DNAH8: variants seen among roughly 807,000 people sequenced by gnomAD.
DNAH8 encodes dynein axonemal heavy chain 8, also known as axonemal beta dynein heavy chain 8.
In DNAH8, 382 loss-of-function variants were observed where a neutral mutation model predicts 562.1. That is an observed-to-expected ratio of 0.68 (90% CI 0.63 to 0.74). DNAH8 has a LOEUF of 0.74. Ranked by LOEUF, DNAH8 falls within the 30% of genes least tolerant of loss-of-function variation. The probability of loss-of-function intolerance (pLI) is 0.00; values close to 1 mark genes in which losing one functional copy is unlikely to be tolerated. For synonymous variants in DNAH8, 1,881 were observed against 1,919.4 expected (o/e 0.98, Z 0.52); for missense variants, 5,203 against 5,620.4 (o/e 0.93, Z 2.37).
In DNAH8 at chr6:38,995,112, ATTG is replaced by A. The variant is rs573698486; in HGVS notation, c.13214+4945_13214+4947del. ...GCTATTGTTGCATGTGTGTTTCTCT[ATTG>A]TTGTCAGAAATTGGTGTTGAATTTT... On this transcript the variant is annotated intron_variant, in intron 88 of 92. Coordinates refer to ENST00000327475, the MANE Select transcript of DNAH8 (RefSeq NM_001206927.2). Among the ~76,000 whole-genome samples the A allele has an allele frequency of 5.1e-5, 6 of 116,720 alleles. No individual in the cohort carries two copies. The South Asian group carries it at 1.3e-3, about 24-fold the overall frequency. The allele number at this position is 116,720 out of a possible 152,430, so 76.6% of individuals were successfully genotyped here.
At chr6:38,984,564 G>T (rs765618181) in intron 87 of DNAH8, among the ~76,000 whole-genome samples, 1 of 152,074 alleles carries the variant, frequency 6.6e-6, no homozygotes, top group Non-Finnish European at 1.5e-5. Context: ...AGACTGAGGC[G>T]GGCGGATCAC....
intron 45 of DNAH8, among the ~76,000 whole-genome samples, chr6:38,865,960 TGA>T (rs1250600552): frequency 6.6e-6 from 1 of 152,244 alleles, no homozygotes; most frequent in Non-Finnish European, 1.5e-5. Flanking sequence ...AACCTTCCTT[TGA>T]GACTTGGGTC....
At position 38,912,334 on chromosome 6, in the gene DNAH8, G is replaced by A. The variant is rs147486647; in HGVS notation, c.9859+748G>A. Among the ~76,000 whole-genome samples the A allele has an allele frequency of 2.0e-5, 3 of 152,148 alleles. No homozygotes were observed. The East Asian group carries it at 5.8e-4, about 29-fold the overall frequency. On this transcript the variant is annotated intron_variant, in intron 66 of 92. Coordinates refer to ENST00000327475, the MANE Select transcript of DNAH8 (RefSeq NM_001206927.2). ...AAAATTAGTCAGGCATTGTGGTGGT[G>A]CATGCCTGTAGACCAAGCTACTTGG...
chr6:38,898,551 C>CT (rs1779860509), intron 61 of DNAH8, among the ~76,000 whole-genome samples, 171 bp downstream of exon 61: 1 of 152,070 alleles, frequency 6.6e-6, no homozygotes, highest in South Asian at 2.1e-4. Context: ...ATAGGAAACC[C>CT]TTTATTTGAA....
chr6:38,984,288 T>C lies in DNAH8; in HGVS notation c.13034T>C (p.Leu4345Pro), dbSNP rs772974455. ...GRVTDDFDKR[L>P]LNCFARVWFS... Reference sequence around the variant, plus strand: ...GTGACAGATGACTTTGACAAACGTCTACTTAATTGCTTTGCCAGAGTAAGT... The same window carrying C: ...GTGACAGATGACTTTGACAAACGTCCACTTAATTGCTTTGCCAGAGTAAGT... Residue 4345 changes from leucine (L) to proline (P), a missense_variant, in exon 87 of 93, where the codon CTA (leucine) becomes CCA (proline). This residue lies in a region of DNAH8 where 1,399 missense variants were observed against 1,518.4 expected (regional missense o/e 0.92). Coordinates refer to ENST00000327475, the MANE Select transcript of DNAH8 (RefSeq NM_001206927.2). The C allele has an allele frequency of 1.9e-6, 3 of 1,604,460 alleles. No homozygotes were observed. The highest frequency in any genetic ancestry group is 1.7e-5 in the Admixed American group (1 of 59,992).
chr6:38,776,016 T>C, intron 13 of DNAH8, 65 bp downstream of exon 13: 2 of 988,520 alleles, frequency 2.0e-6, no homozygotes, highest in Non-Finnish European at 3.1e-6. Context: ...TATCTGGTAC[T>C]TTTTGTAAAT....
chr6:38,829,146 T>C lies in DNAH8; in HGVS notation c.4188+858T>C, dbSNP rs1412957915. 2.6e-5 allele frequency among the ~76,000 whole-genome samples: 4 copies of C among 152,352 alleles called. No homozygotes were observed. The East Asian group carries it at 5.8e-4, about 22-fold the overall frequency. On this transcript the variant is annotated intron_variant, in intron 30 of 92. Coordinates refer to ENST00000327475, the MANE Select transcript of DNAH8 (RefSeq NM_001206927.2). ...CATTTGTATATCTTATTTGGAGAGA[T>C]GTGAATTTAAATCCTTTGCTTGATT... is the stretch of plus-strand genomic sequence containing the variant.
In DNAH8 at chr6:38,917,422, C is replaced by A; in HGVS notation, c.10308+16C>A. 1 of 1,608,246 alleles carries A rather than the reference C, an allele frequency of 6.2e-7. No individual in the cohort carries two copies. The highest frequency in any genetic ancestry group is 1.1e-5 in the South Asian group (1 of 90,370). On this transcript the variant is annotated intron_variant, in intron 69 of 92. Coordinates refer to ENST00000327475, the MANE Select transcript of DNAH8 (RefSeq NM_001206927.2). ...GTCATTAAAGGTAAGTAAAATCTAT[C>A]ATTGTCAATCCTATGAGCTGCATCA...
intron 8 of DNAH8, among the ~76,000 whole-genome samples, chr6:38,749,919 G>A (rs939509920): frequency 1.1e-4 from 17 of 152,264 alleles, no homozygotes; most frequent in African/African-American, 2.2e-4. Flanking sequence ...TGCAAGCTCC[G>A]CCTCCCGGGT....
In DNAH8 at chr6:38,883,957, G is replaced by T; in HGVS notation, c.8218G>T (p.Asp2740Tyr). The T allele has an allele frequency of 6.3e-7, 1 of 1,586,208 alleles. No homozygotes were observed. Among genetic ancestry groups the T allele is most frequent in the East Asian group, 2.3e-5 (1 of 43,554 alleles). Residue 2740 changes from aspartate (D) to tyrosine (Y), a missense_variant, in exon 56 of 93, where the codon GAT becomes TAT. Asp to Tyr is a radical substitution (Grantham distance 160, BLOSUM62 -3). This residue lies in a region of DNAH8 where 977 missense variants were observed against 1,061.8 expected (regional missense o/e 0.92). Transcript: ENST00000327475. ...PGGRKMTVFI[D>Y]DINMPVINEW... is the part of the protein sequence containing the mutation. ...AGGGAGAAAAATGACTGTATTTATT[G>T]ATGATATTAATATGCCTGTGATTAA... is the stretch of plus-strand genomic sequence containing the variant.
At chr6:39,010,792 C>A (rs1766144947) in intron 89 of DNAH8, among the ~76,000 whole-genome samples, 1 of 129,198 alleles carries the variant, frequency 7.7e-6, no homozygotes, top group African/African-American at 3.1e-5. Context: ...CACACACACG[C>A]ACGTGTACGC....
At chr6:38,942,729 A>ACAGT (rs1783561662) in intron 79 of DNAH8, among the ~76,000 whole-genome samples, 1 of 152,212 alleles carries the variant, frequency 6.6e-6, no homozygotes, top group Non-Finnish European at 1.5e-5. Context: ...CTCATAGGAT[A>ACAGT]CAGTACAGGG....
At chr6:38,994,273 A>G (rs1473387641) in intron 88 of DNAH8, among the ~76,000 whole-genome samples, 2 of 152,124 alleles carry the variant, frequency 1.3e-5, no homozygotes, top group African/African-American at 4.8e-5. Context: ...GTTAGGGATA[A>G]CAACCCTTTG....
intron 26 of DNAH8, among the ~76,000 whole-genome samples, chr6:38,818,350 A>G (rs1772475547): frequency 6.6e-6 from 1 of 151,968 alleles, no homozygotes; most frequent in African/African-American, 2.4e-5. Flanking sequence ...TAGATGCAAA[A>G]ATCTCCTTGG....
chr6:38,715,917 AATAAATAAATATATATATATATAT>A lies in DNAH8; in HGVS notation c.-35+506_-35+529del, dbSNP rs1364624811. On this transcript the variant is annotated intron_variant, in intron 1 of 92. Coordinates refer to ENST00000327475, the MANE Select transcript of DNAH8 (RefSeq NM_001206927.2). ...GAAAAGCTATTAAAATAAATAAATA[AATAAATAAATATATATATATATAT>A]ATATATATATATATATATATTTTTT... Among the ~76,000 whole-genome samples the A allele has an allele frequency of 8.4e-3, 421 of 50,332 alleles. 15 individuals are homozygous for A. Among genetic ancestry groups the A allele is most frequent in the Middle Eastern group, 0.036 (5 of 138 alleles). The allele number at this position is 50,332 out of a possible 152,430, so 33.0% of individuals were successfully genotyped here.
chr6:38,929,069 T>A (rs1782332594), intron 74 of DNAH8, among the ~76,000 whole-genome samples: 1 of 152,224 alleles, frequency 6.6e-6, no homozygotes, highest in Non-Finnish European at 1.5e-5. Flanking sequence ...CGACTCAATA[T>A]ATCATTTCTG....
chr6:38,886,902 C>T lies in DNAH8; in HGVS notation c.8371C>T (p.His2791Tyr). The T allele has an allele frequency of 4.3e-6, 7 of 1,613,918 alleles. No individual in the cohort carries two copies. The highest frequency in any genetic ancestry group is 5.9e-6 in the Non-Finnish European group (7 of 1,179,828). ...TGTGCAGCTCATAGCAGCAATGATC[C>T]ACCCTGGAGGTGGTCGAAATGATAT... ...VDVQLIAAMI[H>Y]PGGGRNDIPQ... The change falls in exon 57 of 93, where the codon CAC becomes TAC. Residue 2791 changes from histidine (H) to tyrosine (Y), a missense_variant. Physicochemically the swap from His to Tyr is moderately conservative, Grantham distance 83. Transcript: ENST00000327475.
chr6:38,785,209 T>C (rs1402845683), intron 17 of DNAH8, among the ~76,000 whole-genome samples: 1 of 152,238 alleles, frequency 6.6e-6, no homozygotes, highest in Non-Finnish European at 1.5e-5. Flanking sequence ...AATGAATTGC[T>C]CTGGAAGGCT....
intron 82 of DNAH8, among the ~76,000 whole-genome samples, chr6:38,952,565 T>C (rs775607423): frequency 2.9e-4 from 44 of 152,196 alleles, no homozygotes; most frequent in Non-Finnish European, 4.9e-4. Flanking sequence ...AAAATTACAT[T>C]AAATTTATTA....
Sources: gnomAD v4.1 joint callset for allele counts (sites outside exome capture counted in the v4.1 genomes callset) on GRCh38, gnomAD v4.1.1 for gene constraint, gnomAD v4.1.1 regional missense constraint, MANE v1.5 for transcripts, NCBI Gene and HGNC (gene_info 2026-07-23, HGNC 2026-07-21) for gene names.